AKAP19: variants seen among roughly 807,000 people sequenced by gnomAD.
The protein encoded by AKAP19 is small A-kinase anchoring protein.
the AKAP19 span, among the ~76,000 whole-genome samples, chr2:190,106,072 A>G: frequency 6.6e-6 from 1 of 152,248 alleles, no homozygotes. Flanking sequence ...TTAACACCTG[A>G]CATAAACTTT....
the AKAP19 span, among the ~76,000 whole-genome samples, chr2:189,949,278 G>A: frequency 5.0e-4 from 76 of 152,276 alleles, 1 homozygote; most frequent in African/African-American, 1.8e-3. Context: ...AAAAAGCCGG[G>A]CGCGATGGCT....
the AKAP19 span, among the ~76,000 whole-genome samples, chr2:189,982,361 T>C: frequency 6.6e-6 from 1 of 152,188 alleles, no homozygotes; most frequent in Non-Finnish European, 1.5e-5. Context: ...TTTCTTTGTT[T>C]TTTTCTTAAT....
At chr2:189,980,117 G>T in the AKAP19 span, among the ~76,000 whole-genome samples, 1 of 152,106 alleles carries the variant, frequency 6.6e-6, no homozygotes, top group Non-Finnish European at 1.5e-5. Flanking sequence ...GCACTTGTCT[G>T]TTTATCACAG....
the AKAP19 span, among the ~76,000 whole-genome samples, chr2:190,175,850 G>A: frequency 7.4e-4 from 112 of 152,328 alleles, no homozygotes; most frequent in Non-Finnish European, 1.1e-3. Context: ...AGATGTTGCC[G>A]ATGTGATAGG....
chr2:189,879,884 C>G, the AKAP19 span: 6 of 152,232 alleles, frequency 3.9e-5, no homozygotes, highest in African/African-American at 1.4e-4. Flanking sequence ...TCCCAGCCTT[C>G]GCTATAGCCA....
At chr2:189,921,107 A>G in the AKAP19 span, among the ~76,000 whole-genome samples, 8 of 152,196 alleles carry the variant, frequency 5.3e-5, no homozygotes, top group African/African-American at 1.2e-4. Context: ...AGAAAAAAGC[A>G]TATGGTCAAT....
chr2:189,895,941 G>A, the AKAP19 span, among the ~76,000 whole-genome samples: 8 of 150,914 alleles, frequency 5.3e-5, 1 homozygote, highest in African/African-American at 1.5e-4. Context: ...CTCAGGAGAC[G>A]GAGGTTGCAG....
At chr2:190,158,816 A>G in the AKAP19 span, among the ~76,000 whole-genome samples, 23 of 152,338 alleles carry the variant, frequency 1.5e-4, no homozygotes, top group East Asian at 4.4e-3. Context: ...AGCCTCACAG[A>G]AGCAGGGGAA....
the AKAP19 span, among the ~76,000 whole-genome samples, chr2:190,019,377 TTCTC>T: frequency 6.6e-6 from 1 of 152,022 alleles, no homozygotes; most frequent in Non-Finnish European, 1.5e-5. Context: ...GAGGGTGTCT[TTCTC>T]TCTGGGTGGG....
chr2:190,081,898 A>G, the AKAP19 span, among the ~76,000 whole-genome samples: 1 of 152,206 alleles, frequency 6.6e-6, no homozygotes, highest in Non-Finnish European at 1.5e-5. Flanking sequence ...GGGACCCCAG[A>G]GAAACTTTGA....
chr2:189,924,884 AAAT>A, the AKAP19 span, among the ~76,000 whole-genome samples: 1 of 143,268 alleles, frequency 7.0e-6, no homozygotes, highest in African/African-American at 2.9e-5. Context: ...CCAGGGGAAA[AAAT>A]AAATAAATAA....
the AKAP19 span, among the ~76,000 whole-genome samples, chr2:189,897,041 A>G: frequency 1.3e-5 from 2 of 152,086 alleles, no homozygotes; most frequent in African/African-American, 2.4e-5. Flanking sequence ...GTGTTACTGT[A>G]GACTGTTAAC....
At chr2:189,963,903 A>T in the AKAP19 span, among the ~76,000 whole-genome samples, 2 of 152,020 alleles carry the variant, frequency 1.3e-5, no homozygotes, top group East Asian at 1.9e-4. Context: ...AGCTGGGACT[A>T]CAGGTGCATG....
chr2:189,974,890 A>C, the AKAP19 span, among the ~76,000 whole-genome samples: 185 of 152,238 alleles, frequency 1.2e-3, no homozygotes, highest in Non-Finnish European at 1.7e-3. Flanking sequence ...ACGTGAGATG[A>C]GTCTCCTGAA....
At chr2:189,900,239 ATTTG>A in the AKAP19 span, among the ~76,000 whole-genome samples, 11 of 152,090 alleles carry the variant, frequency 7.2e-5, no homozygotes, top group South Asian at 2.1e-4. Flanking sequence ...ATATATGCCC[ATTTG>A]TTTGTTTCTT....
At chr2:189,927,950 A>G in the AKAP19 span, among the ~76,000 whole-genome samples, 1 of 152,200 alleles carries the variant, frequency 6.6e-6, no homozygotes, top group African/African-American at 2.4e-5. Context: ...AGACATTCAA[A>G]TGTTGCCAGT....
the AKAP19 span, among the ~76,000 whole-genome samples, chr2:189,886,856 G>T: frequency 6.6e-6 from 1 of 152,120 alleles, no homozygotes; most frequent in African/African-American, 2.4e-5. Context: ...AGGTGTGAGG[G>T]AGAAACTCAA....
the AKAP19 span, among the ~76,000 whole-genome samples, chr2:189,978,779 A>G: frequency 6.6e-6 from 1 of 152,206 alleles, no homozygotes; most frequent in East Asian, 1.9e-4. Flanking sequence ...GGATTTCCAT[A>G]CATCAATAGC....
the AKAP19 span, among the ~76,000 whole-genome samples, chr2:189,885,464 G>A: frequency 6.6e-6 from 1 of 152,132 alleles, no homozygotes; most frequent in South Asian, 2.1e-4. Flanking sequence ...AGACATCTTT[G>A]GATAACTTCA....
Sources: gnomAD v4.1 joint callset for allele counts (sites outside exome capture counted in the v4.1 genomes callset) on GRCh38, gnomAD v4.1.1 for gene constraint, MANE v1.5 for transcripts, NCBI Gene and HGNC (gene_info 2026-07-23, HGNC 2026-07-21) for gene names.